MYO10: variants seen among roughly 807,000 people sequenced by gnomAD.
MYO10 encodes the protein unconventional myosin-X.
In MYO10, 133 loss-of-function variants were observed where a neutral mutation model predicts 257.3. The observed-to-expected ratio is 0.52, with a 90% CI of 0.45 to 0.60. The LOEUF (loss-of-function observed/expected upper bound fraction) is 0.60. Among genes scored for constraint, MYO10 ranks in the 20% least tolerant of loss-of-function variants. The probability of loss-of-function intolerance (pLI) is 0.00; values close to 1 mark genes in which losing one functional copy is unlikely to be tolerated. For synonymous variants in MYO10, 1,104 were observed against 1,028.6 expected, an observed-to-expected ratio of 1.07 and a Z score of -1.40; for missense variants, 2,399 against 2,635.7, an observed-to-expected ratio of 0.91 and a Z score of 1.97.
At chr5:16,832,382 AT>A (rs1318039619) in intron 2 of MYO10, among the ~76,000 whole-genome samples, 2 of 152,244 alleles carry the variant, frequency 1.3e-5, no homozygotes, top group African/African-American at 4.8e-5. Context: ...GGTTTAATAC[AT>A]TTTTATAAAA....
chr5:16,853,214 C>CA (rs547684334), intron 2 of MYO10, among the ~76,000 whole-genome samples: 17 of 148,410 alleles, frequency 1.1e-4, no homozygotes, highest in East Asian at 5.9e-4. Context: ...ACTGAAAATA[C>CA]AAAAAAAAAA....
In MYO10 at chr5:16,662,099, T is replaced by G. The variant is rs940994111; in HGVS notation, c.*4593A>C. 11 of 152,168 alleles carry G rather than the reference T, an allele frequency of 7.2e-5. No individual in the cohort carries two copies. Among genetic ancestry groups the G allele is most frequent in the African/African-American group, 2.4e-4 (10 of 41,450 alleles). 9.4% of individuals were successfully genotyped at this position (152,168 alleles called of 1,614,324 possible). ...CAACTGAATGAAACAGTTATAAATG[T>G]ACTGGCTAAATTTAGCTTTATGCAC... On this transcript the variant is annotated 3_prime_UTR_variant, in exon 41 of 41. Transcript: ENST00000513610.
chr5:16,776,223 G>A (rs1436388746), intron 9 of MYO10, among the ~76,000 whole-genome samples: 2 of 152,126 alleles, frequency 1.3e-5, no homozygotes, highest in East Asian at 3.9e-4. Context: ...ATTCTCATAG[G>A]TTTGGGAGAA....
intron 30 of MYO10, among the ~76,000 whole-genome samples, chr5:16,682,271 C>A (rs139266887): frequency 6.6e-6 from 1 of 152,186 alleles, no homozygotes; most frequent in East Asian, 1.9e-4. Context: ...GCAAAACTTT[C>A]CAGATGAAAC....
chr5:16,808,343 C>T (rs773307638), intron 3 of MYO10, among the ~76,000 whole-genome samples: 1 of 152,014 alleles, frequency 6.6e-6, no homozygotes, highest in African/African-American at 2.4e-5. Context: ...TGTGGTGGCA[C>T]GCACCCATAG....
At position 16,818,398 on chromosome 5, in the gene MYO10, G is replaced by GTATATATA. The variant is rs1189413374; in HGVS notation, c.121-232_121-231insTATATATA. Among the ~76,000 whole-genome samples, 365 of 107,728 alleles carry GTATATATA rather than the reference G, an allele frequency of 3.4e-3. 2 individuals carry two copies. Among genetic ancestry groups the GTATATATA allele is most frequent in the African/African-American group, 0.013 (352 of 27,984 alleles). 70.7% of individuals were successfully genotyped at this position (107,728 alleles called of 152,430 possible). A position where few individuals can be genotyped will look rare whatever the true frequency, so the allele number is the denominator to read the frequency against. The stretch of plus-strand genomic sequence containing the variant: ...TGTGTGTGCGTGTGTGTGTGTGTGT[G>GTATATATA]TGTGTGTGTGTGTATATATATATAT... On this transcript the variant is annotated intron_variant, in intron 2 of 40. Transcript: ENST00000513610.
intron 8 of MYO10, 128 bp downstream of exon 8, chr5:16,780,396 G>A (rs1046657744): frequency 8.2e-6 from 7 of 851,820 alleles, no homozygotes; most frequent in South Asian, 1.6e-5. Context: ...TTTGGTGTTC[G>A]CATAGTGTAC....
intron 1 of MYO10, among the ~76,000 whole-genome samples, chr5:16,891,667 G>A (rs1259763931): frequency 1.3e-5 from 2 of 151,976 alleles, no homozygotes; most frequent in Non-Finnish European, 2.9e-5. Context: ...GGGAGGGAGA[G>A]ACAACTATGC....
At chr5:16,911,421 G>C (rs1745652548) in intron 1 of MYO10, among the ~76,000 whole-genome samples, 1 of 152,110 alleles carries the variant, frequency 6.6e-6, no homozygotes, top group South Asian at 2.1e-4. Flanking sequence ...ACACAAATTT[G>C]TACATTTTCT....
At chr5:16,815,162 C>A (rs1435258670) in intron 3 of MYO10, 7 of 287,168 alleles carry the variant, frequency 2.4e-5, no homozygotes, top group Non-Finnish European at 3.2e-5. Context: ...GACACTATTA[C>A]AAAAAAAAAC....
intron 3 of MYO10, among the ~76,000 whole-genome samples, chr5:16,803,787 C>T (rs1233050420): frequency 6.6e-6 from 1 of 152,122 alleles, no homozygotes; most frequent in East Asian, 1.9e-4. Context: ...GAAAATTTTG[C>T]CTCATTGTAT....
At chr5:16,883,213 C>A (rs928899846) in intron 1 of MYO10, among the ~76,000 whole-genome samples, 1 of 152,142 alleles carries the variant, frequency 6.6e-6, no homozygotes, top group African/African-American at 2.4e-5. Context: ...CCGCGCCCGG[C>A]CATCATTTTT....
chr5:16,793,856 A>G (rs1741845582), intron 4 of MYO10, among the ~76,000 whole-genome samples: 1 of 151,108 alleles, frequency 6.6e-6, no homozygotes. Flanking sequence ...ACTTGAACCC[A>G]GGAGGCGGAG....
intron 25 of MYO10, among the ~76,000 whole-genome samples, chr5:16,700,246 C>T (rs1737980074): frequency 6.6e-6 from 1 of 152,174 alleles, no homozygotes. Context: ...TTTGCCAGTT[C>T]ACCCCTGGCA....
intron 21 of MYO10, among the ~76,000 whole-genome samples, chr5:16,706,214 C>T (rs1282455165): frequency 2.0e-5 from 3 of 151,934 alleles, no homozygotes; most frequent in Non-Finnish European, 2.9e-5. Flanking sequence ...TATACACACA[C>T]GTACATACTC....
At chr5:16,883,312 G>A (rs1744809765) in intron 1 of MYO10, among the ~76,000 whole-genome samples, 1 of 152,120 alleles carries the variant, frequency 6.6e-6, no homozygotes, top group African/African-American at 2.4e-5. Flanking sequence ...TCACATTTCT[G>A]TAACTGAGCA....
chr5:16,874,809 GTA>G (rs1394583511), intron 2 of MYO10, among the ~76,000 whole-genome samples: 5 of 152,210 alleles, frequency 3.3e-5, no homozygotes, highest in Non-Finnish European at 5.9e-5. Context: ...ACATTTTCGG[GTA>G]TCTTTCCAGC....
Position 16,694,479 on chromosome 5 carries a change from C to T in MYO10, c.3692G>A (p.Arg1231Lys), listed in dbSNP as rs1409928714. Reference sequence around the variant, plus strand: ...AAACCAGCGCTTCTTCCAATTTCTCCTGGACAGCGTGGAGGAGCCCCCCCC... The same window carrying T: ...AAACCAGCGCTTCTTCCAATTTCTCTTGGACAGCGTGGAGGAGCCCCCCCC... ...KKGGGSSTLS[R>K]RNWKKRWFVL... The change falls in exon 27 of 41, where the codon AGG (arginine) becomes AAG (lysine). Residue 1231 changes from arginine to lysine, a missense_variant. By Grantham distance (26) the Arg-to-Lys change is conservative (BLOSUM62 2). Around this residue, in one of 3 missense-constraint regions of MYO10, gnomAD observed 1,820 missense variants for 1,939.4 expected, o/e 0.94. Transcript: ENST00000513610. 5.0e-6 allele frequency: 8 copies of T among 1,614,030 alleles called. No homozygotes were observed. Among genetic ancestry groups the T allele is most frequent in the Non-Finnish European group, 5.9e-6 (7 of 1,179,888 alleles).
intron 2 of MYO10, among the ~76,000 whole-genome samples, chr5:16,827,857 G>A (rs1401172369): frequency 1.3e-5 from 2 of 152,274 alleles, no homozygotes; most frequent in East Asian, 1.9e-4. Flanking sequence ...CAGATGGGGA[G>A]GTAATACTGA....
Sources: allele counts gnomAD v4.1 joint callset (sites outside exome capture counted in the v4.1 genomes callset), GRCh38; gene constraint gnomAD v4.1.1; regional missense constraint gnomAD v4.1.1; transcripts MANE v1.5; gene names NCBI Gene and HGNC (gene_info 2026-07-23, HGNC 2026-07-21).